The following SPRY3 variants were observed in gnomAD, a reference collection of about 807,000 sequenced individuals.
SPRY3 encodes the protein sprouty RTK signaling antagonist 3, also known as protein sprouty homolog 3.
SPRY3 carries 15 observed loss-of-function variants against 20.2 expected under a neutral mutation model. The ratio of observed to expected loss-of-function variants is 0.74; its 90% CI spans 0.50 to 1.14. The LOEUF (loss-of-function observed/expected upper bound fraction) is 1.14, where lower values mean the gene tolerates loss of function less well. Ranked by LOEUF, SPRY3 falls within the 50% of genes most tolerant of loss-of-function variation. SPRY3 has a pLI of 0.00. For missense variants in SPRY3, 364 were observed against 363.9 expected (o/e 1.00, Z 0.00); for synonymous variants, 143 against 136.5 (o/e 1.05, Z -0.33).
intron 2 of SPRY3, among the ~76,000 whole-genome samples, chrX:155,720,953 G>A (rs767977981): frequency 6.6e-6 from 1 of 152,162 alleles, no homozygotes; most frequent in South Asian, 2.1e-4. Context: ...AAGGCACTAG[G>A]GACCAATCCT....
chrX:155,648,454 C>A (rs1444619976), intron 1 of SPRY3, among the ~76,000 whole-genome samples: 1 of 112,224 alleles, frequency 8.9e-6, no homozygotes, highest in Non-Finnish European at 1.9e-5. Context: ...AGTCTTTAAT[C>A]CCTCTTGAGT....
intron 2 of SPRY3, among the ~76,000 whole-genome samples, chrX:155,730,106 A>C (rs990845920): frequency 3.3e-5 from 5 of 152,128 alleles, no homozygotes; most frequent in African/African-American, 1.2e-4. Flanking sequence ...GAAATCTAAA[A>C]AACATTTAAA....
chrX:155,617,749 A>G (rs1462517897), intron 1 of SPRY3, among the ~76,000 whole-genome samples: 2 of 112,291 alleles, frequency 1.8e-5, no homozygotes, highest in Non-Finnish European at 3.8e-5. Context: ...CTATAAAACT[A>G]CACTTATCAA....
At chrX:155,744,749 A>G (rs188015902) in intron 2 of SPRY3, among the ~76,000 whole-genome samples, 575 of 152,190 alleles carry the variant, frequency 3.8e-3, no homozygotes, top group Non-Finnish European at 6.3e-3. Context: ...AAAGTCTTCA[A>G]TAGAAACCTG....
chrX:155,736,797 T>C (rs1269441299), intron 2 of SPRY3, among the ~76,000 whole-genome samples: 2 of 152,070 alleles, frequency 1.3e-5, no homozygotes, highest in Non-Finnish European at 2.9e-5. Flanking sequence ...TTTGTTTCTT[T>C]CTCTCTTTCT....
At chrX:155,646,641 T>C (rs141834084) in intron 1 of SPRY3, among the ~76,000 whole-genome samples, 1,627 of 112,047 alleles carry the variant, frequency 0.015, 22 homozygotes, top group African/African-American at 0.048. Context: ...ATTGATTTTG[T>C]ATCCTGCAAC....
chrX:155,627,602 A>C lies in SPRY3; in HGVS notation c.-441+14955A>C, dbSNP rs1388392130. On this transcript the variant is annotated intron_variant, in intron 1 of 3. Coordinates refer to ENST00000675360, the Ensembl canonical transcript of SPRY3. ...GACATACTGATTACATTTTCTTTGG[A>C]TATATACCCAATAGTGGGATTGCTG... 2.7e-5 allele frequency among the ~76,000 whole-genome samples: 3 copies of C among 110,941 alleles called. No individual in the cohort carries two copies. The East Asian group carries it at 8.4e-4, about 31-fold the overall frequency.
intron 2 of SPRY3, among the ~76,000 whole-genome samples, chrX:155,694,024 A>G (rs759425827): frequency 8.9e-6 from 1 of 111,827 alleles, no homozygotes; most frequent in Non-Finnish European, 1.9e-5. Context: ...AGGCTGGTCT[A>G]AAACTCCTGA....
At chrX:155,767,413 G>A (rs2091339649) in intron 2 of SPRY3, among the ~76,000 whole-genome samples, 1 of 151,968 alleles carries the variant, frequency 6.6e-6, no homozygotes, top group Non-Finnish European at 1.5e-5. Context: ...CACACCCTGA[G>A]CCATATAAAT....
At chrX:155,650,177 A>G (rs982894436) in intron 1 of SPRY3, among the ~76,000 whole-genome samples, 7 of 111,651 alleles carry the variant, frequency 6.3e-5, no homozygotes, top group African/African-American at 2.3e-4. Flanking sequence ...GAAAATGGCC[A>G]TACTGCTCAT....
exon 4 of SPRY3, chrX:155,774,465 C>G (rs1287900466): frequency 6.2e-7 from 1 of 1,613,888 alleles, no homozygotes; most frequent in Non-Finnish European, 8.5e-7. Flanking sequence ...TCTACCACTG[C>G]TCCACTGATG....
chrX:155,618,374 G>C (rs970350715), intron 1 of SPRY3, among the ~76,000 whole-genome samples: 1 of 110,292 alleles, frequency 9.1e-6, no homozygotes, highest in Non-Finnish European at 1.9e-5. Flanking sequence ...TTTTATTGTT[G>C]AGTGGTGTTT....
chrX:155,721,545 A>G (rs1304974578), intron 2 of SPRY3, among the ~76,000 whole-genome samples: 2 of 152,172 alleles, frequency 1.3e-5, no homozygotes, highest in Admixed American at 6.5e-5. Context: ...AAAGGATCCT[A>G]AAAGTAGCAA....
At chrX:155,613,598 A>G (rs2067839327) in intron 1 of SPRY3, among the ~76,000 whole-genome samples, 1 of 112,259 alleles carries the variant, frequency 8.9e-6, no homozygotes, top group African/African-American at 3.2e-5. Context: ...AATGTCAAAA[A>G]AGCAATAAAG....
At chrX:155,704,834 T>C (rs1183091062) in intron 2 of SPRY3, among the ~76,000 whole-genome samples, 5 of 151,464 alleles carry the variant, frequency 3.3e-5, no homozygotes, top group Non-Finnish European at 7.4e-5. Flanking sequence ...TCATAAGCCA[T>C]ACAAGTCAGG....
At chrX:155,754,642 C>A (rs2091276858) in intron 2 of SPRY3, among the ~76,000 whole-genome samples, 2 of 151,838 alleles carry the variant, frequency 1.3e-5, no homozygotes, top group African/African-American at 4.8e-5. Flanking sequence ...CTGGCTGGGA[C>A]TTTGATAGGG....
At chrX:155,666,057 A>T (rs1285716833) in intron 2 of SPRY3, among the ~76,000 whole-genome samples, 1 of 111,241 alleles carries the variant, frequency 9.0e-6, no homozygotes, top group Admixed American at 9.6e-5. Flanking sequence ...AAATATGAGT[A>T]AAATCCATCT....
At chrX:155,761,331 ATTC>A (rs1226709162) in intron 2 of SPRY3, among the ~76,000 whole-genome samples, 1 of 151,906 alleles carries the variant, frequency 6.6e-6, no homozygotes, top group Non-Finnish European at 1.5e-5. Context: ...TTCTTCACTG[ATTC>A]TTCTTATTTT....
intron 1 of SPRY3, among the ~76,000 whole-genome samples, chrX:155,635,759 T>A (rs1279580550): frequency 1.8e-5 from 2 of 111,930 alleles, no homozygotes; most frequent in African/African-American, 6.5e-5. Flanking sequence ...TTTTACACTG[T>A]CGGTGGGACT....
Sources: gnomAD v4.1 joint callset for allele counts (sites outside exome capture counted in the v4.1 genomes callset) on GRCh38, gnomAD v4.1.1 for gene constraint, MANE v1.5 for transcripts, NCBI Gene and HGNC (gene_info 2026-07-23, HGNC 2026-07-21) for gene names.